Variants in EP300 observed in about 807,000 individuals in gnomAD.
The protein encoded by EP300 is histone acetyltransferase p300.
EP300 carries 31 observed loss-of-function variants against 264.0 expected under a neutral mutation model. The ratio of observed to expected loss-of-function variants is 0.12; its 90% confidence interval spans 0.09 to 0.16. The LOEUF is 0.16. Ranked by LOEUF, EP300 falls within the 10% of genes least tolerant of loss-of-function variation. The pLI, the probability that EP300 is intolerant of heterozygous loss-of-function variation, is 1.00. For missense variants in EP300, 2,766 were observed against 3,052.9 expected (o/e 0.91, Z 2.21); for synonymous variants, 1,340 against 1,045.4 (o/e 1.28, Z -5.44).
chr22:41,108,894 A>G (rs1908316740), intron 1 of EP300, among the ~76,000 whole-genome samples: 1 of 152,208 alleles, frequency 6.6e-6, no homozygotes, highest in Non-Finnish European at 1.5e-5. Flanking sequence ...AATGGAACAA[A>G]CTTCAGATTT....
In EP300 at chr22:41,131,313, T is replaced by G. The variant is rs972635308; in HGVS notation, c.1283-75T>G. 4.9e-5 allele frequency: 74 copies of G among 1,497,330 alleles called. No individual in the cohort carries two copies. The African/African-American group carries it at 9.3e-4, about 19-fold the overall frequency. 92.8% of individuals were successfully genotyped at this position (1,497,330 alleles called of 1,614,324 possible). Reference sequence around the variant, plus strand: ...ATCACGTAACAATAATTTTGTGGGGTTTTTTATTAGACATGTTAGTCTTTT... The same window carrying G: ...ATCACGTAACAATAATTTTGTGGGGGTTTTTATTAGACATGTTAGTCTTTT... On this transcript the variant is annotated intron_variant, in intron 5 of 30. Transcript: ENST00000263253.
Position 41,117,926 on chromosome 22 carries a change from G to T in EP300, c.729+105G>T, listed in dbSNP as rs192672846. 5.2e-6 allele frequency: 8 copies of T among 1,552,408 alleles called. No homozygotes were observed. In the Admixed American group the frequency reaches 9.2e-5, roughly 18 times the overall value. ...TGTATAGCAGTTTCCACTATTACAC[G>T]CCAGGAATTTACTGTGCTGTCATAA... is the stretch of plus-strand genomic sequence containing the variant. On this transcript the variant is annotated intron_variant, in intron 2 of 30. Coordinates refer to ENST00000263253, the MANE Select transcript of EP300 (RefSeq NM_001429.4).
intron 1 of EP300, among the ~76,000 whole-genome samples, chr22:41,102,308 G>A (rs1229354851): frequency 1.3e-5 from 2 of 152,112 alleles, no homozygotes; most frequent in African/African-American, 4.8e-5. Flanking sequence ...TATAGTGGGA[G>A]GAACAGGAGA....
chr22:41,124,174 G>T (rs545864181), intron 2 of EP300, among the ~76,000 whole-genome samples: 2 of 152,388 alleles, frequency 1.3e-5, no homozygotes, highest in South Asian at 4.1e-4. Context: ...GAACCCAGGA[G>T]GCAGAGGTTG....
chr22:41,167,574 GTGTGTGTGTGTATATATATA>G (rs2059142262), intron 23 of EP300, among the ~76,000 whole-genome samples: 2 of 29,184 alleles, frequency 6.9e-5, no homozygotes, highest in African/African-American at 2.7e-4. Flanking sequence ...GTGTGTGTGT[GTGTGTGTGTGTATATATATA>G]TATATATATA....
At chr22:41,116,480 A>G (rs1453864823) in intron 1 of EP300, among the ~76,000 whole-genome samples, 2 of 151,828 alleles carry the variant, frequency 1.3e-5, no homozygotes, top group Non-Finnish European at 1.5e-5. Flanking sequence ...TTCTTTTCCT[A>G]TGTTTTCTGA....
intron 10 of EP300, among the ~76,000 whole-genome samples, chr22:41,143,347 G>T (rs2058993388): frequency 1.3e-5 from 2 of 152,158 alleles, no homozygotes; most frequent in Admixed American, 1.3e-4. Context: ...AGCTACTCAG[G>T]AGGATGAGGC....
chr22:41,154,955 T>G, intron 16 of EP300, 40 bp from the exon 17 acceptor site: 1 of 1,355,290 alleles, frequency 7.4e-7, no homozygotes, highest in Non-Finnish European at 1.1e-6. Context: ...TTCTTCTGCT[T>G]AATTGGTAAC....
At chr22:41,109,562 T>C (rs2058777200) in intron 1 of EP300, among the ~76,000 whole-genome samples, 1 of 152,200 alleles carries the variant, frequency 6.6e-6, no homozygotes, top group Non-Finnish European at 1.5e-5. Flanking sequence ...AATGAGTCCA[T>C]TGAATAACAA....
At chr22:41,128,577 G>A (rs928330218) in intron 4 of EP300, among the ~76,000 whole-genome samples, 5 of 151,488 alleles carry the variant, frequency 3.3e-5, no homozygotes, top group African/African-American at 4.9e-5. Context: ...GCACAATCTC[G>A]GCTCACTGCA....
At chr22:41,109,092 T>C (rs542208787) in intron 1 of EP300, among the ~76,000 whole-genome samples, 1 of 151,774 alleles carries the variant, frequency 6.6e-6, no homozygotes, top group Non-Finnish European at 1.5e-5. Flanking sequence ...CTGGGTAACA[T>C]GGTGAGACCC....
At chr22:41,116,114 T>C (rs5995997) in intron 1 of EP300, among the ~76,000 whole-genome samples, 51 of 152,362 alleles carry the variant, frequency 3.3e-4, no homozygotes, top group African/African-American at 1.2e-3. Context: ...TACAAACCTT[T>C]AGCTAGCAAC....
chr22:41,160,592 G>A lies in EP300; in HGVS notation c.3591-50G>A, dbSNP rs188363795. ...GTGGCTTCGTTGCTTGGCTTGGGCT[G>A]TGTTGTGTGAACGGAACAGTTCACC... is the stretch of plus-strand genomic sequence containing the variant. On this transcript the variant is annotated intron_variant, in intron 19 of 30. Coordinates refer to ENST00000263253, the MANE Select transcript of EP300 (RefSeq NM_001429.4). The A allele has an allele frequency of 5.1e-3, 8,005 of 1,583,810 alleles. 34 individuals carry two copies. Among genetic ancestry groups the A allele is most frequent in the Middle Eastern group, 6.2e-3 (37 of 6,000 alleles).
At chr22:41,144,512 C>T (rs1482245382) in intron 10 of EP300, among the ~76,000 whole-genome samples, 1 of 151,904 alleles carries the variant, frequency 6.6e-6, no homozygotes, top group Non-Finnish European at 1.5e-5. Context: ...CGCCACCATG[C>T]CTGGCTAATT....
chr22:41,171,622 C>G (rs1196872024), intron 27 of EP300, among the ~76,000 whole-genome samples: 1 of 151,854 alleles, frequency 6.6e-6, no homozygotes, highest in Non-Finnish European at 1.5e-5. Context: ...TAGGCATGAG[C>G]CACATCACCC....
At chr22:41,108,161 AGTT>A (rs1197623883) in intron 1 of EP300, 2 of 152,000 alleles carry the variant, frequency 1.3e-5, no homozygotes, top group Non-Finnish European at 2.9e-5. Context: ...ATCCAAACTC[AGTT>A]GTTGTTTAAA....
chr22:41,127,848 A>G, intron 4 of EP300, 100 bp downstream of exon 4: 7 of 1,452,354 alleles, frequency 4.8e-6, no homozygotes, highest in Non-Finnish European at 6.7e-6. Context: ...GATATGTTTA[A>G]TACCTTAATT....
intron 1 of EP300, among the ~76,000 whole-genome samples, chr22:41,101,468 G>A (rs1477958859): frequency 6.7e-6 from 1 of 149,232 alleles, no homozygotes; most frequent in Non-Finnish European, 1.5e-5. Context: ...CTAGAGTGCA[G>A]TGACACGATC....
chr22:41,157,193 C>T lies in EP300; in HGVS notation c.3286C>T (p.Pro1096Ser). The T allele has an allele frequency of 6.2e-7, 1 of 1,614,042 alleles. No homozygotes were observed. The highest frequency in any genetic ancestry group is 8.5e-7 in the Non-Finnish European group (1 of 1,179,982). ...GGATTACTTTGATATTGTGAAGAGC[C>T]CCATGGATCTTTCTACCATTAAGAG... ...IPDYFDIVKS[P>S]MDLSTIKRKL... Residue 1096 changes from proline (P) to serine (S), a missense_variant, in exon 18 of 31, where the codon CCC (proline) becomes TCC (serine). Pro to Ser is a moderately conservative substitution (Grantham distance 74, BLOSUM62 -1). Transcript: ENST00000263253.
Sources: gnomAD v4.1 joint callset for allele counts (sites outside exome capture counted in the v4.1 genomes callset) on GRCh38, gnomAD v4.1.1 for gene constraint, MANE v1.5 for transcripts, NCBI Gene and HGNC (gene_info 2026-07-23, HGNC 2026-07-21) for gene names.